HMGXB3: variants seen among roughly 807,000 people sequenced by gnomAD.
HMGXB3 encodes the protein HMG domain-containing protein 3.
Under a neutral mutation model 121.5 loss-of-function variants are expected in HMGXB3, and 45 were observed. The observed-to-expected ratio is 0.37, with a 90% CI of 0.29 to 0.47. The LOEUF (loss-of-function observed/expected upper bound fraction) is 0.47. Among genes scored for constraint, HMGXB3 ranks in the 20% least tolerant of loss-of-function variants. HMGXB3 has a pLI of 0.99. For missense variants in HMGXB3, 1,376 were observed against 1,602.2 expected (o/e 0.86, Z 2.41); for synonymous variants, 590 against 624.1 (o/e 0.95, Z 0.81).
rs1056186642 is a variant in HMGXB3 at position 150,041,739 on chromosome 5, A to G, written c.2546-46A>G. On this transcript the variant is annotated intron_variant, in intron 14 of 19. Transcript: ENST00000502717. ...CCACTGGCTCATCCCTAGTGGCTTC[A>G]GTGTCTTTTTCTGTGCCCTTCTCAG... 4.8e-6 allele frequency: 7 copies of G among 1,451,704 alleles called. No individual in the cohort carries two copies. The African/African-American group carries it at 8.5e-5, about 18-fold the overall frequency. The allele number at this position is 1,451,704 out of a possible 1,614,324, so 89.9% of individuals were successfully genotyped here.
At chr5:150,018,470 C>A in intron 5 of HMGXB3, 96 bp from the exon 6 acceptor site, 1 of 1,045,840 alleles carries the variant, frequency 9.6e-7, no homozygotes, top group Non-Finnish European at 1.3e-6. Context: ...GGTTATCTTT[C>A]CACAAGCTTG....
At position 150,041,754 on chromosome 5, in the gene HMGXB3, G is replaced by T; in HGVS notation, c.2546-31G>T. ...TAGTGGCTTCAGTGTCTTTTTCTGT[G>T]CCCTTCTCAGTGTTCTTGCTCTTCT... On this transcript the variant is annotated intron_variant, in intron 14 of 19. Transcript: ENST00000502717. The T allele has an allele frequency of 2.0e-6, 3 of 1,531,478 alleles. No homozygotes were observed. In the South Asian group the frequency reaches 3.6e-5, roughly 18 times the overall value. The allele number at this position is 1,531,478 out of a possible 1,614,324, so 94.9% of individuals were successfully genotyped here.
At chr5:150,011,386 C>T (rs1407594716) in intron 4 of HMGXB3, among the ~76,000 whole-genome samples, 1 of 152,130 alleles carries the variant, frequency 6.6e-6, no homozygotes, top group Non-Finnish European at 1.5e-5. Context: ...ATAACCTGTC[C>T]TCTATAACCT....
chr5:150,050,371 CCT>C lies in HMGXB3; in HGVS notation c.3322_3323del (p.Leu1108ValfsTer3), dbSNP rs1328183826. The C allele has an allele frequency of 3.2e-6, 5 of 1,551,638 alleles. No individual in the cohort carries two copies. On this transcript the variant is annotated frameshift_variant, in exon 19 of 20. Transcript: ENST00000502717. LOFTEE classifies it high-confidence loss of function. ...YVVDMATSVA[L>X]CADLCYPELT... ...TGGTAGATATGGCCACGTCAGTGGCCCTGTGTGCTGACCTCTGCTACCCAGAG... is the reference window on the plus strand; with the variant it reads ...TGGTAGATATGGCCACGTCAGTGGCCGTGTGCTGACCTCTGCTACCCAGAG...
intron 5 of HMGXB3, among the ~76,000 whole-genome samples, 170 bp from the exon 6 acceptor site, chr5:150,018,396 A>C (rs185322234): frequency 9.4e-4 from 143 of 152,284 alleles, no homozygotes; most frequent in African/African-American, 2.3e-3. Context: ...CCATTTCTAA[A>C]GAGTGAATTT....
At chr5:150,049,715 G>A (rs962324821) in intron 18 of HMGXB3, among the ~76,000 whole-genome samples, 1 of 152,166 alleles carries the variant, frequency 6.6e-6, no homozygotes, top group South Asian at 2.1e-4. Flanking sequence ...CCAAGTGGGT[G>A]TACCCAGAGT....
intron 10 of HMGXB3, 78 bp from the exon 11 acceptor site, chr5:150,032,376 G>A: frequency 7.4e-7 from 1 of 1,353,324 alleles, no homozygotes; most frequent in Non-Finnish European, 1.0e-6. Flanking sequence ...TTTACTGGCA[G>A]CTGCTCATTC....
intron 16 of HMGXB3, among the ~76,000 whole-genome samples, chr5:150,046,891 C>CTTT (rs113488618): frequency 3.3e-4 from 47 of 143,342 alleles, no homozygotes; most frequent in African/African-American, 1.2e-3. Flanking sequence ...GCCCAGGCAT[C>CTTT]TTTTTTTTTT....
intron 6 of HMGXB3, among the ~76,000 whole-genome samples, chr5:150,019,318 A>G (rs780492440): frequency 6.6e-6 from 1 of 152,044 alleles, no homozygotes; most frequent in Non-Finnish European, 1.5e-5. Flanking sequence ...TAACATTTTT[A>G]TTTAACACTC....
Position 150,052,261 on chromosome 5 carries a change from A to C in HMGXB3, c.*69A>C. 1 of 1,270,384 alleles carries C rather than the reference A, an allele frequency of 7.9e-7. No homozygotes were observed. Among genetic ancestry groups the C allele is most frequent in the Non-Finnish European group, 1.1e-6 (1 of 926,228 alleles). The allele number at this position is 1,270,384 out of a possible 1,614,324, so 78.7% of individuals were successfully genotyped here. A position where few individuals can be genotyped will look rare whatever the true frequency, so the allele number is the denominator to read the frequency against. ...TAAGGCCCTTGCCTGAGGCAGAGCT[A>C]TCCAGGGGACCTGCAGAAGTGGTCT... On this transcript the variant is annotated 3_prime_UTR_variant, in exon 20 of 20. Coordinates refer to ENST00000502717, the MANE Select transcript of HMGXB3 (RefSeq NM_014983.3).
intron 15 of HMGXB3, among the ~76,000 whole-genome samples, chr5:150,042,899 T>C (rs1476528329): frequency 1.3e-5 from 2 of 152,184 alleles, no homozygotes; most frequent in East Asian, 1.9e-4. Flanking sequence ...ACTCATCATA[T>C]AAGGTTGTAT....
At position 150,008,260 on chromosome 5, in the gene HMGXB3, A is replaced by G. The variant is rs1034157018; in HGVS notation, c.312+1613A>G. Among the ~76,000 whole-genome samples the G allele has an allele frequency of 3.6e-4, 54 of 152,108 alleles. 1 individual carries two copies. The highest frequency in any genetic ancestry group is 1.1e-3 in the African/African-American group (47 of 41,392). On this transcript the variant is annotated intron_variant, in intron 3 of 19. Coordinates refer to ENST00000502717, the MANE Select transcript of HMGXB3 (RefSeq NM_014983.3). ...TACATGCTTATTTCTATCTACCACT[A>G]TCTCTACCACTGCCACCAAGAACAT...
intron 4 of HMGXB3, 113 bp downstream of exon 4, chr5:150,010,721 C>G (rs1452105674): frequency 1.0e-6 from 1 of 997,862 alleles, no homozygotes; most frequent in East Asian, 2.6e-5. Flanking sequence ...TGGTGTGGCA[C>G]TTACTGATAC....
At position 150,024,521 on chromosome 5, in the gene HMGXB3, G is replaced by C; in HGVS notation, c.1301G>C (p.Cys434Ser). The C allele has an allele frequency of 6.4e-7, 1 of 1,551,724 alleles. No homozygotes were observed. Among genetic ancestry groups the C allele is most frequent in the Non-Finnish European group, 8.7e-7 (1 of 1,147,006 alleles). ...HVLVKEAPGNCGTAVTKTPVV... is the reference protein window; with the variant it reads ...HVLVKEAPGNSGTAVTKTPVV... Reference sequence around the variant, plus strand: ...TTGGTTAAGGAAGCTCCCGGGAATTGTGGTACAGCAGTCACTAAGACGCCA... The same window carrying C: ...TTGGTTAAGGAAGCTCCCGGGAATTCTGGTACAGCAGTCACTAAGACGCCA... Residue 434 changes from cysteine (C) to serine (S), a missense_variant, in exon 7 of 20, where the codon TGT (cysteine) becomes TCT (serine). Coordinates refer to ENST00000502717, the MANE Select transcript of HMGXB3 (RefSeq NM_014983.3).
chr5:150,038,249 G>A (rs922679632), intron 13 of HMGXB3, among the ~76,000 whole-genome samples: 2 of 152,202 alleles, frequency 1.3e-5, no homozygotes, highest in Non-Finnish European at 2.9e-5. Flanking sequence ...AGAATTGAGT[G>A]CTGAAGATGA....
At chr5:150,005,451 T>C (rs1250528530) in intron 2 of HMGXB3, among the ~76,000 whole-genome samples, 4 of 151,784 alleles carry the variant, frequency 2.6e-5, no homozygotes, top group Non-Finnish European at 4.4e-5. Context: ...AATACAAAAT[T>C]AGCCGGGCGT....
intron 3 of HMGXB3, among the ~76,000 whole-genome samples, chr5:150,007,770 C>G (rs914269378): frequency 6.6e-6 from 1 of 152,096 alleles, no homozygotes; most frequent in African/African-American, 2.4e-5. Flanking sequence ...AATCAGCTGT[C>G]TAGGCTGGGT....
At chr5:150,029,505 G>T (rs758646583) in intron 9 of HMGXB3, among the ~76,000 whole-genome samples, 1 of 152,200 alleles carries the variant, frequency 6.6e-6, no homozygotes, top group South Asian at 2.1e-4. Context: ...ATGACCTTCA[G>T]TAACAGGCAT....
intron 13 of HMGXB3, among the ~76,000 whole-genome samples, chr5:150,040,208 A>G (rs551892822): frequency 1.3e-4 from 20 of 151,962 alleles, no homozygotes; most frequent in Non-Finnish European, 2.6e-4. Flanking sequence ...TTGTTTAATG[A>G]TGTATTATAG....
Sources: allele counts gnomAD v4.1 joint callset (sites outside exome capture counted in the v4.1 genomes callset), GRCh38; gene constraint gnomAD v4.1.1; transcripts MANE v1.5; gene names NCBI Gene and HGNC (gene_info 2026-07-23, HGNC 2026-07-21).